Variants in CMIP observed in about 807,000 individuals in gnomAD.
The protein encoded by CMIP is c-Maf inducing protein.
In CMIP, 13 loss-of-function variants were observed where a neutral mutation model predicts 97.3. That is an observed-to-expected ratio of 0.13 (90% CI 0.09 to 0.21). The LOEUF is 0.21. Ranked by LOEUF, CMIP falls within the 10% of genes least tolerant of loss-of-function variation. The pLI is 1.00. For synonymous variants in CMIP, 538 were observed against 436.3 expected (o/e 1.23, Z -2.91); for missense variants, 847 against 1,024.9 (o/e 0.83, Z 2.37).
intron 1 of CMIP, among the ~76,000 whole-genome samples, chr16:81,465,535 G>A (rs572669780): frequency 1.3e-5 from 2 of 152,356 alleles, no homozygotes; most frequent in South Asian, 4.1e-4. Flanking sequence ...TCCCAAGAAG[G>A]CTGCCTCGCA....
Position 81,511,776 on chromosome 16 carries a change from G to A in CMIP, c.300+66235G>A, listed in dbSNP as rs146506745. Among the ~76,000 whole-genome samples, 385 of 152,250 alleles carry A rather than the reference G, an allele frequency of 2.5e-3. 3 individuals carry two copies. The highest frequency in any genetic ancestry group is 8.9e-3 in the African/African-American group (370 of 41,542). On this transcript the variant is annotated intron_variant, in intron 1 of 20. Coordinates refer to ENST00000537098, the MANE Select transcript of CMIP (RefSeq NM_198390.3). Reference sequence around the variant, plus strand: ...GGCGTTTCACCATGTTGCCCAGGCTGGTCTCGAACTCCTGGGCTCAAGTGA... The same window carrying A: ...GGCGTTTCACCATGTTGCCCAGGCTAGTCTCGAACTCCTGGGCTCAAGTGA...
At chr16:81,463,707 A>G (rs1907029740) in intron 1 of CMIP, among the ~76,000 whole-genome samples, 1 of 152,204 alleles carries the variant, frequency 6.6e-6, no homozygotes, top group Non-Finnish European at 1.5e-5. Context: ...CCGTGTTACA[A>G]GAGAGGGGAC....
chr16:81,679,253 A>ATG (rs71391549), intron 10 of CMIP, among the ~76,000 whole-genome samples: 7,409 of 148,130 alleles, frequency 0.05, 186 homozygotes, highest in African/African-American at 0.075. Flanking sequence ...CTCTGTAGGG[A>ATG]TGTGTGTGTG....
intron 7 of CMIP, among the ~76,000 whole-genome samples, chr16:81,669,104 C>T (rs1403264258): frequency 4.9e-5 from 5 of 102,622 alleles, no homozygotes; most frequent in South Asian, 4.7e-4. Context: ...CACACCTCCA[C>T]ACCCACCTCT....
chr16:81,691,373 G>A (rs898749544), intron 10 of CMIP, among the ~76,000 whole-genome samples: 33 of 144,176 alleles, frequency 2.3e-4, no homozygotes, highest in African/African-American at 7.5e-4. Flanking sequence ...TTTAAAGGTT[G>A]TGTCTCCCAG....
At chr16:81,704,955 G>A (rs899257508) in intron 18 of CMIP, among the ~76,000 whole-genome samples, 5 of 151,890 alleles carry the variant, frequency 3.3e-5, no homozygotes, top group African/African-American at 1.2e-4. Flanking sequence ...GGGGGGCTGC[G>A]CAGGAGGCTT....
intron 1 of CMIP, among the ~76,000 whole-genome samples, chr16:81,499,323 T>G (rs1391181977): frequency 6.6e-6 from 1 of 152,146 alleles, no homozygotes; most frequent in African/African-American, 2.4e-5. Flanking sequence ...CACACATACT[T>G]GTCTCTGCAC....
At chr16:81,557,642 G>A (rs892213879) in intron 1 of CMIP, among the ~76,000 whole-genome samples, 1 of 152,134 alleles carries the variant, frequency 6.6e-6, no homozygotes, top group Non-Finnish European at 1.5e-5. Flanking sequence ...AGGCATGGTG[G>A]TGCACATCTG....
intron 1 of CMIP, among the ~76,000 whole-genome samples, chr16:81,508,895 G>T (rs1307994055): frequency 1.1e-4 from 16 of 152,220 alleles, no homozygotes; most frequent in Admixed American, 9.8e-4. Flanking sequence ...AAGTACTTAG[G>T]AGAGCAAGTG....
At chr16:81,707,345 C>T (rs2052587) in intron 20 of CMIP, among the ~76,000 whole-genome samples, 12,934 of 152,186 alleles carry the variant, frequency 0.085, 658 homozygotes, top group Non-Finnish European at 0.11. Flanking sequence ...AGACCCAAAA[C>T]ATAAGAAGCC....
intron 1 of CMIP, among the ~76,000 whole-genome samples, chr16:81,568,718 C>T (rs949528404): frequency 2.6e-5 from 4 of 152,164 alleles, no homozygotes; most frequent in Non-Finnish European, 4.4e-5. Flanking sequence ...AGACAGAAAC[C>T]ACAAAGGCAA....
At chr16:81,671,245 T>A (rs1467447697) in intron 8 of CMIP, among the ~76,000 whole-genome samples, 2 of 152,234 alleles carry the variant, frequency 1.3e-5, no homozygotes, top group Admixed American at 6.5e-5. Flanking sequence ...CTTTGTGACA[T>A]GCCCTCATGC....
intron 2 of CMIP, among the ~76,000 whole-genome samples, chr16:81,617,981 C>T (rs1357705609): frequency 2.0e-5 from 3 of 152,166 alleles, no homozygotes; most frequent in African/African-American, 4.8e-5. Context: ...TTTGCTTGGC[C>T]GTTCCGTCCA....
At chr16:81,680,416 C>G (rs1465604842) in intron 10 of CMIP, among the ~76,000 whole-genome samples, 1 of 152,334 alleles carries the variant, frequency 6.6e-6, no homozygotes, top group African/African-American at 2.4e-5. Flanking sequence ...TGAAGGTGAA[C>G]ATGCGCACAC....
intron 3 of CMIP, among the ~76,000 whole-genome samples, chr16:81,633,947 C>T (rs2092200179): frequency 6.6e-6 from 1 of 152,236 alleles, no homozygotes; most frequent in African/African-American, 2.4e-5. Flanking sequence ...AGTCTGCAAC[C>T]AATCTTCCAT....
intron 1 of CMIP, among the ~76,000 whole-genome samples, chr16:81,458,385 G>T (rs1906692189): frequency 6.6e-6 from 1 of 152,174 alleles, no homozygotes; most frequent in African/African-American, 2.4e-5. Context: ...CGAACAGTCT[G>T]GGGTTCTTCT....
chr16:81,678,219 T>C (rs948538744), intron 9 of CMIP, 56 bp from the exon 10 acceptor site: 2 of 1,343,778 alleles, frequency 1.5e-6, no homozygotes, highest in African/African-American at 2.9e-5. Flanking sequence ...TGATGGGTCA[T>C]GGTGCATCAT....
At chr16:81,565,914 G>A (rs944140881) in intron 1 of CMIP, among the ~76,000 whole-genome samples, 1 of 152,198 alleles carries the variant, frequency 6.6e-6, no homozygotes, top group Admixed American at 6.5e-5. Flanking sequence ...GTCACGGGGG[G>A]ACATGCCCCT....
At chr16:81,540,367 A>G (rs1293671490) in intron 1 of CMIP, among the ~76,000 whole-genome samples, 1 of 152,174 alleles carries the variant, frequency 6.6e-6, no homozygotes, top group Admixed American at 6.5e-5. Flanking sequence ...CACGGGCACA[A>G]TCACGGCTCA....
Sources: gnomAD v4.1 joint callset for allele counts (sites outside exome capture counted in the v4.1 genomes callset) on GRCh38, gnomAD v4.1.1 for gene constraint, MANE v1.5 for transcripts, NCBI Gene and HGNC (gene_info 2026-07-23, HGNC 2026-07-21) for gene names.